Variants in CRISPLD2 observed in about 807,000 individuals in gnomAD.
CRISPLD2 encodes cysteine rich secretory protein LCCL domain containing 2, also known as cysteine-rich secretory protein LCCL domain-containing 2.
Under a neutral mutation model 71.1 loss-of-function variants are expected in CRISPLD2, and 47 were observed. The ratio of observed to expected loss-of-function variants is 0.66; its 90% CI spans 0.52 to 0.84. The LOEUF (loss-of-function observed/expected upper bound fraction) is 0.84, where lower values mean the gene tolerates loss of function less well. Among genes scored for constraint, CRISPLD2 ranks in the 40% least tolerant of loss-of-function variants. CRISPLD2 has a pLI of 0.00. For missense variants in CRISPLD2, 830 were observed against 651.1 expected, an observed-to-expected ratio of 1.27 and a Z score of -2.99; for synonymous variants, 317 against 250.1, an observed-to-expected ratio of 1.27 and a Z score of -2.52.
intron 13 of CRISPLD2, among the ~76,000 whole-genome samples, chr16:84,884,750 C>A (rs1390905579): frequency 1.3e-5 from 2 of 152,294 alleles, no homozygotes; most frequent in African/African-American, 4.8e-5. Flanking sequence ...CGTACTGACG[C>A]CCTGCAGCTT....
At chr16:84,852,914 A>G (rs531597990) in intron 5 of CRISPLD2, among the ~76,000 whole-genome samples, 1 of 152,168 alleles carries the variant, frequency 6.6e-6, no homozygotes, top group South Asian at 2.1e-4. Flanking sequence ...AAAAATACAA[A>G]AAGTTAGCTG....
At position 84,849,511 on chromosome 16, in the gene CRISPLD2, C is replaced by A; in HGVS notation, c.486C>A (p.Tyr162Ter). ...GCTCGGGGCCCATGTGCACGCACTA[C>A]ACACAGGTAACTCGGGGACTTGCCA... is the stretch of plus-strand genomic sequence containing the variant. ...ERCSGPMCTHYTQIVWATTNK... is the reference protein window; with the variant it reads ...ERCSGPMCTH Residue 162 changes from tyrosine (Y) to a stop codon, truncating the protein, a stop_gained, in exon 4 of 15, where the codon TAC becomes TAA. Coordinates refer to ENST00000262424, the MANE Select transcript of CRISPLD2 (RefSeq NM_031476.4). LOFTEE classifies it high-confidence loss of function. The A allele has an allele frequency of 1.2e-6, 2 of 1,613,976 alleles. No individual in the cohort carries two copies. Among genetic ancestry groups the A allele is most frequent in the Non-Finnish European group, 1.7e-6 (2 of 1,179,896 alleles).
chr16:84,850,671 A>G lies in CRISPLD2; in HGVS notation c.596A>G (p.Asn199Ser), dbSNP rs760320435. ...GAGAACGCGGTCTACTTTGTCTGCA[A>G]TTATTCTCCAAAGTAAGACAAGTTG... is the stretch of plus-strand genomic sequence containing the variant. ...VWENAVYFVC[N>S]YSPKGNWIGE... Residue 199 changes from asparagine to serine, a missense_variant, in exon 5 of 15, where the codon AAT (asparagine) becomes AGT (serine). By Grantham distance (46) the Asn-to-Ser change is conservative (BLOSUM62 1). Transcript: ENST00000262424. The G allele has an allele frequency of 7.4e-6, 12 of 1,613,514 alleles. No individual in the cohort carries two copies. Among genetic ancestry groups the G allele is most frequent in the African/African-American group, 1.3e-5 (1 of 74,916 alleles).
intron 6 of CRISPLD2, among the ~76,000 whole-genome samples, chr16:84,862,071 G>A (rs1208680564): frequency 1.3e-5 from 2 of 152,174 alleles, no homozygotes; most frequent in African/African-American, 4.8e-5. Flanking sequence ...CTTTACTCCT[G>A]TGTCCTTGCC....
At position 84,881,491 on chromosome 16, in the gene CRISPLD2, A is replaced by G. The variant is rs534705536; in HGVS notation, c.1305+907A>G. Among the ~76,000 whole-genome samples the G allele has an allele frequency of 2.0e-5, 3 of 152,286 alleles. No homozygotes were observed. The South Asian group carries it at 6.2e-4, about 32-fold the overall frequency. Reference sequence around the variant, plus strand: ...ACCCAGACAATGTGACTGTGGTCCCACTTCTGCTGCCAGCAGGCTGTGTGA... The same window carrying G: ...ACCCAGACAATGTGACTGTGGTCCCGCTTCTGCTGCCAGCAGGCTGTGTGA... On this transcript the variant is annotated intron_variant, in intron 13 of 14. Transcript: ENST00000262424.
At chr16:84,864,340 T>C (rs971385993) in intron 6 of CRISPLD2, among the ~76,000 whole-genome samples, 1 of 152,206 alleles carries the variant, frequency 6.6e-6, no homozygotes, top group African/African-American at 2.4e-5. Context: ...TTTTCTTAAA[T>C]AGAGAGTCCT....
At chr16:84,896,339 G>A (rs117166824) in intron 14 of CRISPLD2, among the ~76,000 whole-genome samples, 8,475 of 151,896 alleles carry the variant, frequency 0.056, 401 homozygotes, top group Non-Finnish European at 0.075. Context: ...GTGAGCCACC[G>A]TGCCCAGCCA....
In CRISPLD2 at chr16:84,877,463, C is replaced by A; in HGVS notation, c.1182C>A (p.Thr394=). The change falls in exon 12 of 15, where the codon ACC becomes ACA. Residue 394 remains threonine (T), a synonymous_variant. Transcript: ENST00000262424. ...TGCAGGATTTGGACTGCTACACGAC[C>A]GTTGCTCAGCTGTGCCCGTTTGAAA... ...VKVQDLDCYT[T]VAQLCPFEKP... is the part of the protein sequence containing the mutation. The A allele has an allele frequency of 6.2e-7, 1 of 1,613,894 alleles. No individual in the cohort carries two copies. The highest frequency in any genetic ancestry group is 8.5e-7 in the Non-Finnish European group (1 of 1,179,848).
rs543302930 is a variant in CRISPLD2 at position 84,853,353 on chromosome 16, C to T, written c.609-1376C>T. Among the ~76,000 whole-genome samples the T allele has an allele frequency of 1.0e-3, 154 of 152,286 alleles. 3 individuals carry two copies. The highest frequency in any genetic ancestry group is 7.4e-5 in the Non-Finnish European group (5 of 67,998). On this transcript the variant is annotated intron_variant, in intron 5 of 14. Transcript: ENST00000262424. ...TTTTGGGGGAGTCATCCCGAAGACC[C>T]CCGGGGATCTGAACAGACGATTTCT...
chr16:84,859,012 T>C (rs1917314524), intron 6 of CRISPLD2, among the ~76,000 whole-genome samples: 2 of 152,218 alleles, frequency 1.3e-5, no homozygotes, highest in Non-Finnish European at 2.9e-5. Flanking sequence ...ACCACCCCTG[T>C]GTCTTTCAAG....
chr16:84,827,877 T>G (rs985190688), intron 1 of CRISPLD2, among the ~76,000 whole-genome samples: 1 of 152,184 alleles, frequency 6.6e-6, no homozygotes, highest in Non-Finnish European at 1.5e-5. Context: ...TACAGTGCCC[T>G]TTCTTTAAGA....
chr16:84,906,919 G>A lies in CRISPLD2; in HGVS notation c.*277G>A. ...CCTCTCTCCTTTAGAGATCTGAGCTGTCTCTTAAAGGGGACAGTTGCCCAA... is the reference window on the plus strand; with the variant it reads ...CCTCTCTCCTTTAGAGATCTGAGCTATCTCTTAAAGGGGACAGTTGCCCAA... On this transcript the variant is annotated 3_prime_UTR_variant, in exon 15 of 15. Coordinates refer to ENST00000262424, the MANE Select transcript of CRISPLD2 (RefSeq NM_031476.4). The A allele has an allele frequency of 3.9e-6, 2 of 514,598 alleles. No individual in the cohort carries two copies. The highest frequency in any genetic ancestry group is 4.3e-5 in the South Asian group (2 of 46,934). 31.9% of individuals were successfully genotyped at this position (514,598 alleles called of 1,614,324 possible).
intron 7 of CRISPLD2, 91 bp from the exon 8 acceptor site, chr16:84,868,760 G>A: frequency 1.9e-6 from 2 of 1,047,664 alleles, no homozygotes; most frequent in South Asian, 1.3e-5. Flanking sequence ...TTGGATTGCA[G>A]AATGTTCCAG....
rs577840055 is a variant in CRISPLD2 at position 84,899,372 on chromosome 16, AT to A, written c.1440-7213del. Among the ~76,000 whole-genome samples the A allele has an allele frequency of 5.6e-4, 85 of 152,314 alleles. 1 individual carries two copies. The highest frequency in any genetic ancestry group is 1.9e-3 in the African/African-American group (81 of 41,554). On this transcript the variant is annotated intron_variant, in intron 14 of 14. Transcript: ENST00000262424. Reference sequence around the variant, plus strand: ...TCCAAAAAGAGAATCAGAGGGCAAGATTTGGGAAAGAAGGGCGGGAAGGGTA... The same window carrying A: ...TCCAAAAAGAGAATCAGAGGGCAAGATTGGGAAAGAAGGGCGGGAAGGGTA...
At chr16:84,825,225 G>A (rs544470169) in intron 1 of CRISPLD2, among the ~76,000 whole-genome samples, 168 of 151,910 alleles carry the variant, frequency 1.1e-3, no homozygotes, top group Non-Finnish European at 1.6e-3. Context: ...CGGGGAAGAA[G>A]GAGAACTGAG....
chr16:84,843,157 G>A (rs1028781506), intron 2 of CRISPLD2, among the ~76,000 whole-genome samples: 12 of 152,162 alleles, frequency 7.9e-5, no homozygotes, highest in Admixed American at 1.3e-4. Context: ...CTAAAAGGCC[G>A]GCCTGCTGGG....
intron 6 of CRISPLD2, among the ~76,000 whole-genome samples, chr16:84,858,778 T>A (rs1437935308): frequency 6.6e-6 from 1 of 152,228 alleles, no homozygotes. Context: ...TTCTGGTGGG[T>A]CTTACGGACG....
intron 14 of CRISPLD2, among the ~76,000 whole-genome samples, chr16:84,898,068 A>T (rs954395439): frequency 4.6e-5 from 7 of 152,228 alleles, no homozygotes; most frequent in African/African-American, 1.4e-4. Flanking sequence ...TCCGTTTATC[A>T]TCACTGATTG....
Position 84,906,752 on chromosome 16 carries a change from C to G in CRISPLD2, c.*110C>G. 8.1e-7 allele frequency: 1 copy of G among 1,240,632 alleles called. No homozygotes were observed. The highest frequency in any genetic ancestry group is 1.2e-6 in the Non-Finnish European group (1 of 845,320). 76.9% of individuals were successfully genotyped at this position (1,240,632 alleles called of 1,614,324 possible). ...TGGAGAGTCAGGAAACTTCCTTTGA[C>G]TGATGTTCAGTGTCCATCACTTTGT... On this transcript the variant is annotated 3_prime_UTR_variant, in exon 15 of 15. Transcript: ENST00000262424.
Sources: allele counts gnomAD v4.1 joint callset (sites outside exome capture counted in the v4.1 genomes callset), GRCh38; gene constraint gnomAD v4.1.1; transcripts MANE v1.5; gene names NCBI Gene and HGNC (gene_info 2026-07-23, HGNC 2026-07-21).